Variants in SAMMSON observed in about 807,000 individuals in gnomAD.
SAMMSON encodes the protein long intergenic non-protein coding RNA 1212.
chr3:70,419,660 A>G (rs566863816), intron 2 of SAMMSON, among the ~76,000 whole-genome samples: 1 of 152,218 alleles, frequency 6.6e-6, no homozygotes, highest in Admixed American at 6.5e-5. Flanking sequence ...TGTTTTTGAG[A>G]CTGAGTCCCG....
At chr3:70,109,228 A>G (rs1479446855) in intron 4 of SAMMSON, among the ~76,000 whole-genome samples, 1 of 152,090 alleles carries the variant, frequency 6.6e-6, no homozygotes, top group Non-Finnish European at 1.5e-5. Context: ...TCACATAAAC[A>G]CAAGTCTACC....
chr3:70,285,652 G>A (rs1171147317), intron 6 of SAMMSON, among the ~76,000 whole-genome samples: 5 of 150,424 alleles, frequency 3.3e-5, no homozygotes, highest in African/African-American at 1.2e-4. Flanking sequence ...CACAATGGTT[G>A]AACTAGTTTA....
At chr3:70,177,724 CATT>C (rs770592110) in intron 4 of SAMMSON, among the ~76,000 whole-genome samples, 2 of 152,070 alleles carry the variant, frequency 1.3e-5, no homozygotes, top group Non-Finnish European at 2.9e-5. Flanking sequence ...AGGAAGATTC[CATT>C]ATTATTCCCA....
intron 2 of SAMMSON, among the ~76,000 whole-genome samples, chr3:70,400,854 C>T (rs1054001910): frequency 6.6e-6 from 1 of 152,044 alleles, no homozygotes; most frequent in Non-Finnish European, 1.5e-5. Flanking sequence ...ATCTCTTGAA[C>T]CTGGGAGGTA....
intron 3 of SAMMSON, among the ~76,000 whole-genome samples, chr3:70,044,563 TAGCACTGAGAAC>T (rs1421950540): frequency 6.6e-6 from 1 of 151,992 alleles, no homozygotes; most frequent in Non-Finnish European, 1.5e-5. Flanking sequence ...ATCAACTTTG[TAGCACTGAGAAC>T]AGGTATCAAA....
intron 4 of SAMMSON, among the ~76,000 whole-genome samples, chr3:70,098,233 A>G (rs2067329735): frequency 6.6e-6 from 1 of 152,194 alleles, no homozygotes; most frequent in Non-Finnish European, 1.5e-5. Context: ...TGGGAAATGT[A>G]GGGTTTGTGT....
intron 6 of SAMMSON, among the ~76,000 whole-genome samples, chr3:70,252,905 C>T (rs1233160195): frequency 6.6e-6 from 1 of 151,896 alleles, no homozygotes; most frequent in African/African-American, 2.4e-5. Context: ...CATCGTGAAA[C>T]CCCCTCTCTA....
At chr3:70,058,166 A>G (rs2067174752) in intron 3 of SAMMSON, among the ~76,000 whole-genome samples, 1 of 152,098 alleles carries the variant, frequency 6.6e-6, no homozygotes, top group African/African-American at 2.4e-5. Flanking sequence ...ACATAAATGT[A>G]GGCAGTTGAG....
At chr3:70,339,001 A>C (rs182771673) in intron 7 of SAMMSON, among the ~76,000 whole-genome samples, 2 of 152,174 alleles carry the variant, frequency 1.3e-5, no homozygotes, top group African/African-American at 4.8e-5. Flanking sequence ...ACTTCAAACT[A>C]TACTACAAGG....
rs187697000 is a variant in SAMMSON, at chr3:70,306,575, A to T, written n.739+15332A>T. 2.7e-5 allele frequency among the ~76,000 whole-genome samples: 4 copies of T among 150,808 alleles called. 1 individual carries two copies. The highest frequency in any genetic ancestry group is 9.7e-5 in the African/African-American group (4 of 41,090). On this transcript the variant is annotated intron_variant and non_coding_transcript_variant, in intron 7 of 9. Coordinates refer to ENST00000642114, the Ensembl canonical transcript of SAMMSON. ...AAAGCTTGTTTATTGCCCATTCCCC[A>T]CCCCCTATTTTTTTTATCATTTTTT...
At chr3:70,392,761 A>C (rs1306375158), downstream of SAMMSON, among the ~76,000 whole-genome samples, 1 of 152,070 alleles carries the variant, frequency 6.6e-6, no homozygotes, top group Admixed American at 6.6e-5. Flanking sequence ...AGGGTTGTTG[A>C]AGGATGAAAT....
At chr3:70,206,082 C>T (rs918455310) in intron 4 of SAMMSON, among the ~76,000 whole-genome samples, 1 of 151,904 alleles carries the variant, frequency 6.6e-6, no homozygotes, top group Non-Finnish European at 1.5e-5. Context: ...GGATAATACC[C>T]AGGGGAACCA....
At chr3:70,167,322 C>T (rs1017554521) in intron 4 of SAMMSON, among the ~76,000 whole-genome samples, 1 of 151,860 alleles carries the variant, frequency 6.6e-6, no homozygotes, top group Non-Finnish European at 1.5e-5. Context: ...GTAATGGGTA[C>T]AGAATATATA....
At chr3:70,006,543 A>G (rs1228755122) in intron 1 of SAMMSON, among the ~76,000 whole-genome samples, 1 of 152,208 alleles carries the variant, frequency 6.6e-6, no homozygotes, top group Non-Finnish European at 1.5e-5. Context: ...AACCAAGTCC[A>G]TGTGATTTCT....
chr3:70,239,430 G>T (rs1701643568), intron 4 of SAMMSON, among the ~76,000 whole-genome samples: 2 of 152,258 alleles, frequency 1.3e-5, no homozygotes, highest in South Asian at 4.1e-4. Context: ...GATTGACTCT[G>T]TTCCCAAAGA....
intron 4 of SAMMSON, among the ~76,000 whole-genome samples, chr3:70,193,038 G>A (rs185645995): frequency 6.6e-6 from 1 of 152,256 alleles, no homozygotes; most frequent in Admixed American, 6.5e-5. Context: ...GACATCAATT[G>A]TCTCTCCAGG....
At chr3:70,220,110 A>AT (rs1190730157) in intron 4 of SAMMSON, among the ~76,000 whole-genome samples, 1 of 151,978 alleles carries the variant, frequency 6.6e-6, no homozygotes, top group African/African-American at 2.4e-5. Context: ...CTGGCCTCAA[A>AT]TTTTTTTTGT....
intron 6 of SAMMSON, among the ~76,000 whole-genome samples, chr3:70,279,374 T>C (rs1702058780): frequency 1.3e-5 from 2 of 152,122 alleles, no homozygotes. Flanking sequence ...CAATGGTCAT[T>C]TGATTAACTA....
chr3:70,092,090 C>T (rs1167206208), intron 4 of SAMMSON, among the ~76,000 whole-genome samples: 2 of 152,148 alleles, frequency 1.3e-5, no homozygotes, highest in Non-Finnish European at 2.9e-5. Flanking sequence ...TGGGTTTCCA[C>T]TGTGCTGGTT....
Sources: gnomAD v4.1 joint callset for allele counts (sites outside exome capture counted in the v4.1 genomes callset) on GRCh38, gnomAD v4.1.1 for gene constraint, MANE v1.5 for transcripts, NCBI Gene and HGNC (gene_info 2026-07-23, HGNC 2026-07-21) for gene names.